The following ARHGEF40 variants were observed in gnomAD, a reference collection of about 807,000 sequenced individuals.
The protein encoded by ARHGEF40 is Rho guanine nucleotide exchange factor 40.
A neutral mutation model predicts 165.9 loss-of-function variants in ARHGEF40; 98 were observed. That is an observed-to-expected ratio of 0.59 (90% confidence interval 0.50 to 0.70). The LOEUF is 0.70. Ranked by LOEUF, ARHGEF40 falls within the 30% of genes least tolerant of loss-of-function variation. ARHGEF40 has a pLI of 0.00. For missense variants in ARHGEF40, 1,815 were observed against 1,968.0 expected (o/e 0.92, Z 1.47); for synonymous variants, 792 against 814.3 (o/e 0.97, Z 0.47).
intron 8 of ARHGEF40, among the ~76,000 whole-genome samples, chr14:21,077,135 C>T (rs1380394177): frequency 6.6e-6 from 1 of 152,038 alleles, no homozygotes; most frequent in Non-Finnish European, 1.5e-5. Context: ...TAGACAGTCT[C>T]ACTCTGTCAC....
chr14:21,081,453 G>T, intron 13 of ARHGEF40, 56 bp from the exon 14 acceptor site: 1 of 1,583,180 alleles, frequency 6.3e-7, no homozygotes, highest in South Asian at 1.2e-5. Context: ...CATCCTTCGT[G>T]AGCAACACAG....
chr14:21,078,610 G>T, intron 10 of ARHGEF40, 122 bp downstream of exon 10: 1 of 1,035,434 alleles, frequency 9.7e-7, no homozygotes. Context: ...AAGATACTAT[G>T]CTTTTACACT....
Position 21,087,037 on chromosome 14 carries a change from G to A in ARHGEF40, c.4175G>A (p.Gly1392Glu), listed in dbSNP as rs768729485. The A allele has an allele frequency of 1.2e-6, 2 of 1,605,356 alleles. No individual in the cohort carries two copies. The highest frequency in any genetic ancestry group is 2.2e-5 in the South Asian group (2 of 89,188). Residue 1392 changes from glycine to glutamate, a missense_variant, in exon 20 of 24, where the codon GGG becomes GAG. Physicochemically the swap from Gly to Glu is moderately conservative, Grantham distance 98 (BLOSUM62 -2). Coordinates refer to ENST00000298694, the MANE Select transcript of ARHGEF40 (RefSeq NM_018071.5). ...CAGCAGATGGTGTCCATGGGCATTG[G>A]GAATAAACCCTTCCTGGACATCAAA... is the stretch of plus-strand genomic sequence containing the variant. Reference protein sequence around the residue: ...RVQQMVSMGIGNKPFLDIKAL... With the variant: ...RVQQMVSMGIENKPFLDIKAL...
intron 13 of ARHGEF40, 140 bp downstream of exon 13, chr14:21,081,156 T>A: frequency 7.4e-7 from 1 of 1,352,534 alleles, no homozygotes; most frequent in Non-Finnish European, 1.0e-6. Flanking sequence ...CTCTGCCACC[T>A]CCTTGCTGAA....
rs754177738 is a variant in ARHGEF40 at position 21,070,389 on chromosome 14, G to C, written c.-8G>C. On this transcript the variant is annotated 5_prime_UTR_variant, in exon 1 of 24. Coordinates refer to ENST00000298694, the MANE Select transcript of ARHGEF40 (RefSeq NM_018071.5). This position sits in a 1 kb window ranked among gnomAD's most constrained non-coding sequence, Gnocchi z 4.7. ...GACCAAGCGTCGGACGCGGCCCGGC[G>C]CCGAGCCATGGTGAGTCCAGCGTCG... is the stretch of plus-strand genomic sequence containing the variant. The C allele has an allele frequency of 1.4e-6, 2 of 1,409,988 alleles. No individual in the cohort carries two copies. The highest frequency in any genetic ancestry group is 1.8e-6 in the Non-Finnish European group (2 of 1,090,644). The allele number at this position is 1,409,988 out of a possible 1,614,324, so 87.3% of individuals were successfully genotyped here.
rs745385584 is a variant in ARHGEF40, at chr14:21,082,052, C to G, written c.3184C>G (p.Arg1062Gly). ...CSPREHVLLG[R>G]ARGPDGPWGV... ...ACCACGGGAACACGTGCTGCTGGGC[C>G]GGGCTAGGGGGCCAGACGGACCCTG... The change falls in exon 14 of 24, where the codon CGG (arginine) becomes GGG (glycine). Residue 1062 changes from arginine to glycine, a missense_variant. Coordinates refer to ENST00000298694, the MANE Select transcript of ARHGEF40 (RefSeq NM_018071.5). 3 of 1,561,000 alleles carry G rather than the reference C, an allele frequency of 1.9e-6. No individual in the cohort carries two copies. Among genetic ancestry groups the G allele is most frequent in the Middle Eastern group, 1.7e-4 (1 of 5,998 alleles).
Position 21,074,592 on chromosome 14 carries a change from G to T in ARHGEF40, c.862G>T (p.Ala288Ser). ...GAAGGGCCGCCACCGGAGACACCGGGCGTGGATGCACCAGAAGGGCCTGGG... is the reference window on the plus strand; with the variant it reads ...GAAGGGCCGCCACCGGAGACACCGGTCGTGGATGCACCAGAAGGGCCTGGG... The part of the protein sequence containing the change: ...GGKGRHRRHR[A>S]WMHQKGLGPR... Residue 288 changes from alanine to serine, a missense_variant, in exon 3 of 24, where the codon GCG becomes TCG. Transcript: ENST00000298694. The surrounding 1 kb of genome is among the most constrained non-coding windows in gnomAD (Gnocchi z 4.8). The T allele has an allele frequency of 1.3e-6, 2 of 1,568,480 alleles. No individual in the cohort carries two copies. Among genetic ancestry groups the T allele is most frequent in the Non-Finnish European group, 8.6e-7 (1 of 1,157,260 alleles).
In ARHGEF40 at chr14:21,080,954, C is replaced by T. The variant is rs775926418; in HGVS notation, c.2578C>T (p.Arg860Trp). 8.1e-6 allele frequency: 13 copies of T among 1,614,212 alleles called. No homozygotes were observed. The highest frequency in any genetic ancestry group is 1.3e-5 in the African/African-American group (1 of 75,068). Reference protein sequence around the residue: ...SQKVLDIFEQRLEQVESGLHR... With the variant: ...SQKVLDIFEQWLEQVESGLHR... ...GAAGGTGCTGGATATCTTTGAACAG[C>T]GGCTGGAGCAGGTTGAGAGTGGCCT... The change falls in exon 13 of 24, where the codon CGG becomes TGG. Residue 860 changes from arginine (R) to tryptophan (W), a missense_variant. Arg to Trp is a moderately radical substitution (Grantham distance 101). Coordinates refer to ENST00000298694, the MANE Select transcript of ARHGEF40 (RefSeq NM_018071.5).
At chr14:21,069,840 G>A (rs904388336), upstream of ARHGEF40, among the ~76,000 whole-genome samples, 7 of 152,244 alleles carry the variant, frequency 4.6e-5, no homozygotes, top group African/African-American at 1.7e-4. Context: ...GTTGAGAGAA[G>A]AGGATCCCGG....
upstream of ARHGEF40, among the ~76,000 whole-genome samples, chr14:21,066,126 C>T (rs553686402): frequency 3.3e-5 from 5 of 152,008 alleles, no homozygotes; most frequent in Non-Finnish European, 5.9e-5. Flanking sequence ...CAACAAAAAC[C>T]TGAAAAGCTG....
chr14:21,087,885 T>A, intron 21 of ARHGEF40, 83 bp from the exon 22 acceptor site: 1 of 1,591,960 alleles, frequency 6.3e-7, no homozygotes, highest in Non-Finnish European at 8.6e-7. Flanking sequence ...ATGGAGCTTT[T>A]TCTTCCCTGA....
rs201766414 is a variant in ARHGEF40, at chr14:21,078,850, G to C, written c.2247-34G>C. 9.9e-5 allele frequency: 158 copies of C among 1,600,704 alleles called. No homozygotes were observed. The African/African-American group carries it at 1.9e-3, about 19-fold the overall frequency. On this transcript the variant is annotated intron_variant, in intron 10 of 23. Coordinates refer to ENST00000298694, the MANE Select transcript of ARHGEF40 (RefSeq NM_018071.5). Reference sequence around the variant, plus strand: ...GGACAGAATTGAGGGGCTCAACAAGGGAAATGATTCATTCTTCTCTGCTCC... The same window carrying C: ...GGACAGAATTGAGGGGCTCAACAAGCGAAATGATTCATTCTTCTCTGCTCC...
At chr14:21,078,342 A>AC (rs756648224) in intron 9 of ARHGEF40, 31 bp from the exon 10 acceptor site, 1 of 1,595,880 alleles carries the variant, frequency 6.3e-7, no homozygotes, top group African/African-American at 1.3e-5. Flanking sequence ...CTCTGGTGGA[A>AC]CCCCAACTGG....
At chr14:21,082,558 C>T in intron 15 of ARHGEF40, 80 bp downstream of exon 15, 1 of 1,409,002 alleles carries the variant, frequency 7.1e-7, no homozygotes, top group Non-Finnish European at 9.4e-7. Context: ...TTTCTCAGTA[C>T]CCACGGCCCT....
intron 17 of ARHGEF40, 38 bp from the exon 18 acceptor site, chr14:21,084,715 G>T (rs1237544002): frequency 1.3e-5 from 20 of 1,590,006 alleles, no homozygotes; most frequent in Non-Finnish European, 1.7e-5. Flanking sequence ...CAAACAAAGG[G>T]CCCCTGGGCC....
Position 21,074,789 on chromosome 14 carries a change from G to A in ARHGEF40, c.1059G>A (p.Gly353=). ...CCGGATCTTGCCCCCTGAGGCCAGGGGAGCTTAGAGGAGGAGGAGGAGGAG... is the reference window on the plus strand; with the variant it reads ...CCGGATCTTGCCCCCTGAGGCCAGGAGAGCTTAGAGGAGGAGGAGGAGGAG... ...EASGSCPLRP[G]ELRGGGGGGQ... is the part of the protein sequence containing the mutation. The change falls in exon 3 of 24, where the codon GGG becomes GGA. Residue 353 remains glycine (G), a synonymous_variant. Coordinates refer to ENST00000298694, the MANE Select transcript of ARHGEF40 (RefSeq NM_018071.5). The surrounding 1 kb of genome is among the most constrained non-coding windows in gnomAD (Gnocchi z 4.8). 2 of 1,608,124 alleles carry A rather than the reference G, an allele frequency of 1.2e-6. No homozygotes were observed. The highest frequency in any genetic ancestry group is 4.5e-5 in the East Asian group (2 of 44,814).
Position 21,080,900 on chromosome 14 carries a change from C to G in ARHGEF40, c.2524C>G (p.Leu842Val), listed in dbSNP as rs768100184. Reference protein sequence around the residue: ...QERLAQAREALALEENATSQK... With the variant: ...QERLAQAREAVALEENATSQK... ...GCGCCTGGCCCAGGCACGGGAGGCC[C>G]TGGCTCTGGAGGAGAATGCCACCTC... is the stretch of plus-strand genomic sequence containing the variant. Residue 842 changes from leucine (L) to valine (V), a missense_variant, in exon 13 of 24, where the codon CTG becomes GTG. Transcript: ENST00000298694. 1.2e-6 allele frequency: 2 copies of G among 1,614,144 alleles called. No individual in the cohort carries two copies. Among genetic ancestry groups the G allele is most frequent in the Non-Finnish European group, 1.7e-6 (2 of 1,180,000 alleles).
rs754048938 is a variant in ARHGEF40, at chr14:21,079,015, G to C, written c.2373+5G>C. 6.2e-7 allele frequency: 1 copy of C among 1,610,838 alleles called. No homozygotes were observed. The highest frequency in any genetic ancestry group is 8.5e-7 in the Non-Finnish European group (1 of 1,178,224). On this transcript the variant is annotated splice_donor_5th_base_variant and intron_variant, in intron 11 of 23. Coordinates refer to ENST00000298694, the MANE Select transcript of ARHGEF40 (RefSeq NM_018071.5). ...TGCCTGCGGCGACTCCAGCAGGTGA[G>C]CCAGGATCCCCACGTCCCTCTTACT...
At chr14:21,076,162 C>T (rs1256060549) in intron 5 of ARHGEF40, among the ~76,000 whole-genome samples, 198 bp from the exon 6 acceptor site, 2 of 152,148 alleles carry the variant, frequency 1.3e-5, no homozygotes, top group Non-Finnish European at 2.9e-5. Flanking sequence ...GAATATAGAC[C>T]CCTGACTGCT....
Sources: gnomAD v4.1 joint callset for allele counts (sites outside exome capture counted in the v4.1 genomes callset) on GRCh38, gnomAD v4.1.1 for gene constraint, Gnocchi (gnomAD v3.1) non-coding constraint, MANE v1.5 for transcripts, NCBI Gene and HGNC (gene_info 2026-07-23, HGNC 2026-07-21) for gene names.